Variants in LRP1B observed in about 807,000 individuals in gnomAD.
LRP1B encodes low-density lipoprotein receptor-related protein 1B.
Under a neutral mutation model 556.6 loss-of-function variants are expected in LRP1B, and 217 were observed. The observed-to-expected ratio is 0.39, with a 90% CI of 0.35 to 0.44. LRP1B has a LOEUF of 0.44. Among genes scored for constraint, LRP1B ranks in the 20% least tolerant of loss-of-function variants. The probability of loss-of-function intolerance (pLI) is 1.00; values close to 1 mark genes in which losing one functional copy is unlikely to be tolerated. For synonymous variants in LRP1B, 2,047 were observed against 1,865.8 expected, an observed-to-expected ratio of 1.10 and a Z score of -2.50; for missense variants, 5,053 against 5,620.8, an observed-to-expected ratio of 0.90 and a Z score of 3.23.
chr2:140,561,313 G>A (rs1680922025), intron 43 of LRP1B, among the ~76,000 whole-genome samples: 1 of 152,082 alleles, frequency 6.6e-6, no homozygotes, highest in Non-Finnish European at 1.5e-5. Context: ...AATCCAAAAA[G>A]AATCTGACCA....
At chr2:141,331,503 CTTCTTTCTTTCTTTCTTTCTCTTTCT>C (rs1227860149) in intron 3 of LRP1B, among the ~76,000 whole-genome samples, 3 of 39,880 alleles carry the variant, frequency 7.5e-5, no homozygotes, top group East Asian at 5.9e-4. Flanking sequence ...TCTTTCTTTC[CTTCTTTCTTTCTTTCTTTCTCTTTCT>C]TTCTTTCTTT....
intron 1 of LRP1B, among the ~76,000 whole-genome samples, chr2:142,112,671 G>C (rs1338571662): frequency 1.3e-5 from 2 of 151,990 alleles, no homozygotes; most frequent in African/African-American, 4.8e-5. Flanking sequence ...AATATTTCTA[G>C]ATGGCGTTCT....
At chr2:140,866,055 T>C (rs1692940832) in intron 27 of LRP1B, among the ~76,000 whole-genome samples, 1 of 152,100 alleles carries the variant, frequency 6.6e-6, no homozygotes, top group Non-Finnish European at 1.5e-5. Context: ...ATGCAATACA[T>C]AGATGATGCA....
At chr2:141,538,662 A>C (rs1685144627) in intron 2 of LRP1B, among the ~76,000 whole-genome samples, 1 of 127,360 alleles carries the variant, frequency 7.9e-6, no homozygotes, top group Non-Finnish European at 1.9e-5. Context: ...TTTGAGACAC[A>C]GTCTCGCTCT....
At chr2:140,434,812 T>A (rs998656441) in intron 66 of LRP1B, among the ~76,000 whole-genome samples, 1 of 152,214 alleles carries the variant, frequency 6.6e-6, no homozygotes, top group Admixed American at 6.5e-5. Flanking sequence ...ATCATTATAT[T>A]ATGTCCAAGT....
intron 2 of LRP1B, among the ~76,000 whole-genome samples, chr2:141,798,406 G>A (rs1295412205): frequency 2.0e-5 from 3 of 151,972 alleles, no homozygotes; most frequent in Non-Finnish European, 4.4e-5. Flanking sequence ...GACTAAAGAC[G>A]TCTTAGAATA....
chr2:141,415,770 C>T lies in LRP1B; in HGVS notation c.343+64626G>A, dbSNP rs187087779. On this transcript the variant is annotated intron_variant, in intron 3 of 90. Transcript: ENST00000389484. The stretch of plus-strand genomic sequence containing the variant: ...AATATTACTTGTAAATAATTATCTC[C>T]CCTCAATCACTTTTTTCTTATTTCA... Among the ~76,000 whole-genome samples, 182 of 152,016 alleles carry T rather than the reference C, an allele frequency of 1.2e-3. 1 individual carries two copies. The highest frequency in any genetic ancestry group is 2.3e-3 in the Admixed American group (35 of 15,278).
At chr2:140,342,142 T>G (rs1385655270) in intron 77 of LRP1B, among the ~76,000 whole-genome samples, 1 of 151,010 alleles carries the variant, frequency 6.6e-6, no homozygotes, top group Non-Finnish European at 1.5e-5. Context: ...CACATATAAT[T>G]TATAATTATT....
At position 140,358,088 on chromosome 2, in the gene LRP1B, A is replaced by G. The variant is rs1682318149; in HGVS notation, c.11286T>C (p.Cys3762=). The G allele has an allele frequency of 1.2e-6, 2 of 1,611,094 alleles. No homozygotes were observed. The highest frequency in any genetic ancestry group is 1.7e-5 in the Admixed American group (1 of 59,806). ...GGKLTYKARP[C]KKDEFACSNK... is the part of the protein sequence containing the mutation. ...TACTACAAGCAAACTCATCCTTTTTACAAGGCCTTGCTTTATATGTCAGCT... is the reference window on the plus strand; with the variant it reads ...TACTACAAGCAAACTCATCCTTTTTGCAAGGCCTTGCTTTATATGTCAGCT... The change falls in exon 74 of 91, where the codon TGT becomes TGC. Residue 3762 remains cysteine, a synonymous_variant. Transcript: ENST00000389484.
chr2:140,317,675 A>AAT (rs1330061152), intron 82 of LRP1B, among the ~76,000 whole-genome samples: 1 of 152,140 alleles, frequency 6.6e-6, no homozygotes, highest in Non-Finnish European at 1.5e-5. Flanking sequence ...TATTTGTCCT[A>AAT]ATAAAGGTTG....
intron 3 of LRP1B, among the ~76,000 whole-genome samples, chr2:141,413,926 G>C (rs540840969): frequency 1.3e-5 from 2 of 151,150 alleles, no homozygotes; most frequent in Non-Finnish European, 3.0e-5. Flanking sequence ...GAGAACAGAA[G>C]AGAAGAGAAA....
At chr2:141,342,243 C>CAAAAA in intron 3 of LRP1B, among the ~76,000 whole-genome samples, 1 of 110,590 alleles carries the variant, frequency 9.0e-6, no homozygotes, top group Non-Finnish European at 1.9e-5. Context: ...GACTCCATCT[C>CAAAAA]AAAAAAAAAA....
intron 77 of LRP1B, among the ~76,000 whole-genome samples, chr2:140,344,386 G>C (rs1219764248): frequency 6.6e-6 from 1 of 151,742 alleles, no homozygotes; most frequent in African/African-American, 2.4e-5. Flanking sequence ...ATACCTTGAA[G>C]GTGTATTCAA....
At chr2:140,367,202 A>G (rs1682801505) in intron 71 of LRP1B, among the ~76,000 whole-genome samples, 1 of 151,782 alleles carries the variant, frequency 6.6e-6, no homozygotes, top group African/African-American at 2.4e-5. Flanking sequence ...AACAGATTTG[A>G]GAGAGTTGCC....
intron 11 of LRP1B, among the ~76,000 whole-genome samples, chr2:141,046,505 T>C (rs1698873781): frequency 6.6e-6 from 1 of 152,152 alleles, no homozygotes; most frequent in Non-Finnish European, 1.5e-5. Flanking sequence ...CTGTTCCTTG[T>C]GTAGAAAGAC....
Position 140,372,971 on chromosome 2 carries a change from A to G in LRP1B, c.10768+37T>C, listed in dbSNP as rs749599155. 5.6e-6 allele frequency: 9 copies of G among 1,607,156 alleles called. No individual in the cohort carries two copies. In the East Asian group the frequency reaches 1.3e-4, roughly 24 times the overall value. The stretch of plus-strand genomic sequence containing the variant: ...TAAATTTAAATTCTATCAAGGTAAA[A>G]TGTTAACTAAATGATATATTACTTC... On this transcript the variant is annotated intron_variant, in intron 69 of 90. Transcript: ENST00000389484.
At chr2:140,994,263 CTCTG>C (rs1484842411) in intron 15 of LRP1B, 128 bp from the exon 16 acceptor site, 9 of 724,456 alleles carry the variant, frequency 1.2e-5, no homozygotes, top group Non-Finnish European at 2.0e-5. Flanking sequence ...ATTTGTCCTT[CTCTG>C]TCTACCTTAT....
At position 141,062,243 on chromosome 2, in the gene LRP1B, G is replaced by C. The variant is rs200690342; in HGVS notation, c.1044C>G (p.Val348=). Residue 348 remains valine (V), a synonymous_variant, in exon 8 of 91, where the codon GTC becomes GTG. Transcript: ENST00000389484. ...CCATGTCACATCTCTCCACTTTGGCGACATTCCCGTAGTCAGTAAAGAAAA... is the reference window on the plus strand; with the variant it reads ...CCATGTCACATCTCTCCACTTTGGCCACATTCCCGTAGTCAGTAAAGAAAA... ...GKLFFTDYGN[V]AKVERCDMDG... 6.2e-7 allele frequency: 1 copy of C among 1,610,832 alleles called. No homozygotes were observed. The highest frequency in any genetic ancestry group is 8.5e-7 in the Non-Finnish European group (1 of 1,178,132).
intron 60 of LRP1B, among the ~76,000 whole-genome samples, chr2:140,469,553 G>C (rs1687680765): frequency 6.6e-6 from 1 of 152,182 alleles, no homozygotes; most frequent in East Asian, 1.9e-4. Context: ...GATTTACTGA[G>C]ATGCATGCTT....
Sources: gnomAD v4.1 joint callset for allele counts (sites outside exome capture counted in the v4.1 genomes callset) on GRCh38, gnomAD v4.1.1 for gene constraint, MANE v1.5 for transcripts, NCBI Gene and HGNC (gene_info 2026-07-23, HGNC 2026-07-21) for gene names.